HMGCLL1: variants seen among roughly 807,000 people sequenced by gnomAD.
HMGCLL1 encodes the protein 3-hydroxy-3-methylglutaryl-CoA lyase like 1.
Under a neutral mutation model 39.1 loss-of-function variants are expected in HMGCLL1, and 36 were observed. The ratio of observed to expected loss-of-function variants is 0.92; its 90% CI spans 0.71 to 1.22. HMGCLL1 has a LOEUF of 1.22. Ranked by LOEUF, HMGCLL1 falls within the 50% of genes most tolerant of loss-of-function variation. The pLI is 0.00. For missense variants in HMGCLL1, 451 were observed against 416.5 expected, an observed-to-expected ratio of 1.08 and a Z score of -0.72; for synonymous variants, 149 against 144.0, an observed-to-expected ratio of 1.03 and a Z score of -0.25.
At chr6:55,678,681 A>G in the HMGCLL1 span, among the ~76,000 whole-genome samples, 1 of 152,194 alleles carries the variant, frequency 6.6e-6, no homozygotes, top group Non-Finnish European at 1.5e-5. Flanking sequence ...CAGAAAAACA[A>G]TAATCCCACT....
At chr6:55,507,930 T>G (rs1321499667) in intron 5 of HMGCLL1, among the ~76,000 whole-genome samples, 1 of 151,854 alleles carries the variant, frequency 6.6e-6, no homozygotes, top group Non-Finnish European at 1.5e-5. Flanking sequence ...TGCCACCTTT[T>G]TTTTTGGCCT....
the HMGCLL1 span, among the ~76,000 whole-genome samples, chr6:55,676,150 C>T: frequency 3.3e-5 from 5 of 152,094 alleles, no homozygotes; most frequent in African/African-American, 1.2e-4. Context: ...TAATACCAAA[C>T]ACCACTCATT....
the HMGCLL1 span, among the ~76,000 whole-genome samples, chr6:55,664,311 G>T: frequency 6.6e-6 from 1 of 151,750 alleles, no homozygotes; most frequent in Non-Finnish European, 1.5e-5. Context: ...GCTGGTAATG[G>T]TCTTTCCATA....
At chr6:55,518,918 AG>A (rs1444333080) in intron 3 of HMGCLL1, among the ~76,000 whole-genome samples, 5 of 152,158 alleles carry the variant, frequency 3.3e-5, no homozygotes, top group African/African-American at 1.2e-4. Flanking sequence ...TATGCCACTA[AG>A]TTCTCAGGTA....
At chr6:55,517,654 TTAAA>T (rs1390352805) in intron 3 of HMGCLL1, among the ~76,000 whole-genome samples, 7 of 151,886 alleles carry the variant, frequency 4.6e-5, no homozygotes, top group Non-Finnish European at 1.0e-4. Context: ...TAAAACATAG[TTAAA>T]TACATTTGAA....
intron 8 of HMGCLL1, among the ~76,000 whole-genome samples, chr6:55,438,440 T>C (rs1170850805): frequency 6.6e-6 from 1 of 152,076 alleles, no homozygotes; most frequent in Admixed American, 6.6e-5. Flanking sequence ...AACCTTGTGG[T>C]AAGTTCAGAG....
chr6:55,595,830 C>T, the HMGCLL1 span, among the ~76,000 whole-genome samples: 146 of 152,160 alleles, frequency 9.6e-4, no homozygotes, highest in African/African-American at 2.4e-3. Context: ...ATCATTGACC[C>T]ACAATTTTTT....
intron 4 of HMGCLL1, among the ~76,000 whole-genome samples, chr6:55,514,677 T>G (rs1461173492): frequency 1.3e-5 from 2 of 152,238 alleles, no homozygotes; most frequent in African/African-American, 2.4e-5. Flanking sequence ...AGTTTTTCTT[T>G]GGTCTCCTAA....
At chr6:55,630,694 C>G in the HMGCLL1 span, among the ~76,000 whole-genome samples, 5 of 151,982 alleles carry the variant, frequency 3.3e-5, no homozygotes, top group African/African-American at 1.2e-4. Flanking sequence ...TTATTCACTA[C>G]TCTCCTGACA....
chr6:55,584,327 A>T, the HMGCLL1 span, among the ~76,000 whole-genome samples: 15,901 of 152,178 alleles, frequency 0.1, 1,113 homozygotes, highest in East Asian at 0.3. Flanking sequence ...CAGAATGAAG[A>T]ACACTGGATT....
the HMGCLL1 span, among the ~76,000 whole-genome samples, chr6:55,588,752 C>T: frequency 1.3e-5 from 2 of 152,060 alleles, no homozygotes; most frequent in African/African-American, 4.8e-5. Flanking sequence ...GAGATACAAA[C>T]TACCATCAGA....
chr6:55,544,130 C>G (rs914428637), intron 1 of HMGCLL1, among the ~76,000 whole-genome samples: 1 of 152,048 alleles, frequency 6.6e-6, no homozygotes, highest in African/African-American at 2.4e-5. Context: ...CTGGGAGCAG[C>G]CTAGCTCCAG....
At chr6:55,650,110 T>TATATATATATACACACATATAC in the HMGCLL1 span, among the ~76,000 whole-genome samples, 8 of 74,506 alleles carry the variant, frequency 1.1e-4, 1 homozygote, top group South Asian at 2.0e-3. Flanking sequence ...TATATATATA[T>TATATATATATACACACATATAC]ATATATATAT....
At chr6:55,651,306 TG>T in the HMGCLL1 span, among the ~76,000 whole-genome samples, 1 of 152,074 alleles carries the variant, frequency 6.6e-6, no homozygotes, top group South Asian at 2.1e-4. Flanking sequence ...GCTCCAGTAG[TG>T]GTGGCCACAG....
At chr6:55,443,206 A>G (rs1159681728) in intron 7 of HMGCLL1, among the ~76,000 whole-genome samples, 1 of 152,158 alleles carries the variant, frequency 6.6e-6, no homozygotes, top group African/African-American at 2.4e-5. Context: ...TTAACTTTAG[A>G]GAAACTTTGT....
chr6:55,562,756 T>C (rs931640164), intron 1 of HMGCLL1, among the ~76,000 whole-genome samples: 6 of 152,050 alleles, frequency 3.9e-5, no homozygotes, highest in Admixed American at 3.9e-4. Context: ...GATGAAACAG[T>C]GCAGGATAGT....
At chr6:55,598,412 C>G in the HMGCLL1 span, among the ~76,000 whole-genome samples, 1 of 152,146 alleles carries the variant, frequency 6.6e-6, no homozygotes, top group African/African-American at 2.4e-5. Context: ...CAAATGAGCT[C>G]AATTGCAATT....
At chr6:55,597,579 C>T in the HMGCLL1 span, among the ~76,000 whole-genome samples, 1 of 151,214 alleles carries the variant, frequency 6.6e-6, no homozygotes, top group Non-Finnish European at 1.5e-5. Context: ...AAGAAAATTA[C>T]ATGTATGGAT....
intron 5 of HMGCLL1, among the ~76,000 whole-genome samples, chr6:55,501,207 G>A (rs937008765): frequency 1.3e-5 from 2 of 151,854 alleles, no homozygotes; most frequent in Non-Finnish European, 2.9e-5. Context: ...CAAGGCTAAT[G>A]TGATGGTTCT....
Sources: gnomAD v4.1 joint callset for allele counts (sites outside exome capture counted in the v4.1 genomes callset) on GRCh38, gnomAD v4.1.1 for gene constraint, MANE v1.5 for transcripts, NCBI Gene and HGNC (gene_info 2026-07-23, HGNC 2026-07-21) for gene names.